Variants in CACNA1S observed in about 807,000 individuals in gnomAD.
CACNA1S encodes voltage-dependent L-type calcium channel subunit alpha-1S.
In CACNA1S, 126 loss-of-function variants were observed where a neutral mutation model predicts 207.4. The ratio of observed to expected loss-of-function variants is 0.61; its 90% CI spans 0.53 to 0.70. The LOEUF (loss-of-function observed/expected upper bound fraction) is 0.70, where lower values mean the gene tolerates loss of function less well. CACNA1S is among the 30% of genes least tolerant of loss of function. CACNA1S has a pLI of 0.00. For synonymous variants in CACNA1S, 960 were observed against 932.7 expected, an observed-to-expected ratio of 1.03 and a Z score of -0.53; for missense variants, 2,349 against 2,422.8, an observed-to-expected ratio of 0.97 and a Z score of 0.64.
At chr1:201,075,736 A>C (rs1455616436) in intron 12 of CACNA1S, 121 bp from the exon 13 acceptor site, 1 of 1,154,558 alleles carries the variant, frequency 8.7e-7, no homozygotes, top group African/African-American at 1.5e-5. Flanking sequence ...CCCTCTTTTC[A>C]TTCCACAGTC....
Position 201,087,850 on chromosome 1 carries a change from T to C in CACNA1S, c.980A>G (p.Asn327Ser), listed in dbSNP as rs1173031785. Reference protein sequence around the residue: ...LILLGSFFILNLVLGVLSGEF... With the variant: ...LILLGSFFILSLVLGVLSGEF... ...CCCACTCAGGACACCCAGCACCAGG[T>C]TGAGGATGAAGAAGGATCCCAGCAA... The change falls in exon 7 of 44, where the codon AAC (asparagine) becomes AGC (serine). Residue 327 changes from asparagine (N) to serine (S), a missense_variant. Coordinates refer to ENST00000362061, the MANE Select transcript of CACNA1S (RefSeq NM_000069.3). The C allele has an allele frequency of 6.2e-6, 10 of 1,613,276 alleles. No homozygotes were observed. The highest frequency in any genetic ancestry group is 7.6e-6 in the Non-Finnish European group (9 of 1,179,538).
At position 201,053,739 on chromosome 1, in the gene CACNA1S, T is replaced by C. The variant is rs1660739334; in HGVS notation, c.3667-152A>G. On this transcript the variant is annotated intron_variant, in intron 29 of 43. Transcript: ENST00000362061. The surrounding 1 kb of genome is among the most constrained non-coding windows in gnomAD (Gnocchi z 5.1). ...GCCTCTGGCCCCTGCTGTCCACTAG[T>C]TCGGGACCATCCTTGGGCACAGGGC... is the stretch of plus-strand genomic sequence containing the variant. 1.3e-6 allele frequency: 1 copy of C among 793,592 alleles called. No individual in the cohort carries two copies. The highest frequency in any genetic ancestry group is 2.2e-5 in the Admixed American group (1 of 44,898). 49.2% of individuals were successfully genotyped at this position (793,592 alleles called of 1,614,324 possible).
intron 35 of CACNA1S, 21 bp from the exon 36 acceptor site, chr1:201,048,705 G>A (rs1427013027): frequency 1.2e-6 from 2 of 1,600,254 alleles, no homozygotes; most frequent in Non-Finnish European, 1.7e-6. Flanking sequence ...AGACGCAGTG[G>A]CCTGCCGCTG....
At chr1:201,050,729 C>G (rs1660618605) in intron 33 of CACNA1S, among the ~76,000 whole-genome samples, 2 of 151,998 alleles carry the variant, frequency 1.3e-5, no homozygotes, top group South Asian at 2.1e-4. Flanking sequence ...TGCTAAATTC[C>G]TTTTGATGAG....
At chr1:201,051,538 C>T (rs992107456) in intron 32 of CACNA1S, among the ~76,000 whole-genome samples, 2 of 152,248 alleles carry the variant, frequency 1.3e-5, no homozygotes, top group Non-Finnish European at 2.9e-5. Flanking sequence ...CTGCCACCCA[C>T]TCTGGCTGAG....
At chr1:201,052,143 C>T (rs908039168) in intron 32 of CACNA1S, among the ~76,000 whole-genome samples, 5 of 152,232 alleles carry the variant, frequency 3.3e-5, no homozygotes, top group Admixed American at 6.5e-5. Context: ...CAAGCATAGG[C>T]CCCTGCGCCC....
chr1:201,096,604 T>C (rs1572066385), intron 2 of CACNA1S, among the ~76,000 whole-genome samples: 1 of 152,202 alleles, frequency 6.6e-6, no homozygotes, highest in Admixed American at 6.5e-5. Context: ...AGAAGATGTA[T>C]GGTGTGACGG....
chr1:201,077,570 A>T (rs1661674433), intron 11 of CACNA1S, among the ~76,000 whole-genome samples: 1 of 151,906 alleles, frequency 6.6e-6, no homozygotes, highest in African/African-American at 2.4e-5. Context: ...CTTTCCCTAC[A>T]GCTCTTCCTG....
Position 201,044,378 on chromosome 1 carries a change from C to A in CACNA1S, c.4747G>T (p.Glu1583Ter). The change falls in exon 39 of 44, where the codon GAG becomes TAG. Residue 1583 changes from glutamate (E) to a stop codon, truncating the protein, a stop_gained. Transcript: ENST00000362061. LOFTEE classifies it high-confidence loss of function. Reference sequence around the variant, plus strand: ...GCCTCCACCATGGCTCTCTCCAGCTCCTCCTCAGCAGCCAGGTCTCCTGAG... The same window carrying A: ...GCCTCCACCATGGCTCTCTCCAGCTACTCCTCAGCAGCCAGGTCTCCTGAG... ...TVSGDLAAEEELERAMVEAAM... is the reference protein window; with the variant it reads ...TVSGDLAAEE 1 of 1,613,780 alleles carries A rather than the reference C, an allele frequency of 6.2e-7. No homozygotes were observed.
chr1:201,077,102 C>T lies in CACNA1S; in HGVS notation c.1645G>A (p.Val549Met). Residue 549 changes from valine (V) to methionine (M), a missense_variant, in exon 12 of 44, where the codon GTG becomes ATG. By Grantham distance (21) the Val-to-Met change is conservative (BLOSUM62 1). Transcript: ENST00000362061. ...TKYWTSLSNL[V>M]ASLLNSIRSI... is the part of the protein sequence containing the mutation. ...CGGATGGAGTTGAGCAGGGATGCCA[C>T]CAGGTTGCTCAGCGACGTCCAATAT... The T allele has an allele frequency of 6.2e-7, 1 of 1,614,106 alleles. No homozygotes were observed. Among genetic ancestry groups the T allele is most frequent in the Non-Finnish European group, 8.5e-7 (1 of 1,180,014 alleles).
chr1:201,074,478 G>C (rs771786205), intron 14 of CACNA1S, 28 bp downstream of exon 14: 15 of 1,435,338 alleles, frequency 1.0e-5, no homozygotes, highest in Non-Finnish European at 1.3e-5. Context: ...GAGCACTCCA[G>C]GTCCCTTCCT....
intron 40 of CACNA1S, 71 bp from the exon 41 acceptor site, chr1:201,041,660 C>T (rs979833304): frequency 1.8e-6 from 2 of 1,139,780 alleles, no homozygotes; most frequent in Non-Finnish European, 2.6e-6. Flanking sequence ...CCTCTCTGGC[C>T]CCAAACATCC....
intron 10 of CACNA1S, among the ~76,000 whole-genome samples, chr1:201,081,866 G>A (rs754163915): frequency 1.3e-5 from 2 of 151,992 alleles, no homozygotes; most frequent in African/African-American, 4.8e-5. Flanking sequence ...TCCTGCTTTC[G>A]CCATGTGACA....
intron 2 of CACNA1S, among the ~76,000 whole-genome samples, chr1:201,096,237 C>A (rs560273745): frequency 3.3e-5 from 5 of 152,312 alleles, no homozygotes; most frequent in Non-Finnish European, 7.4e-5. Context: ...TTCCACCATA[C>A]TCCCTCCAGC....
At chr1:201,068,018 A>G (rs1661309516) in intron 19 of CACNA1S, among the ~76,000 whole-genome samples, 1 of 152,102 alleles carries the variant, frequency 6.6e-6, no homozygotes, top group Non-Finnish European at 1.5e-5. Flanking sequence ...CACCACCCCC[A>G]GGATGGCTGG....
At chr1:201,085,944 A>G (rs1349451472) in intron 7 of CACNA1S, among the ~76,000 whole-genome samples, 2 of 152,238 alleles carry the variant, frequency 1.3e-5, no homozygotes, top group African/African-American at 4.8e-5. Context: ...CAAATTGGCC[A>G]TACTGCCCCA....
At chr1:201,043,236 C>A in intron 40 of CACNA1S, 45 bp downstream of exon 40, 1 of 1,613,398 alleles carries the variant, frequency 6.2e-7, no homozygotes, top group Non-Finnish European at 8.5e-7. Flanking sequence ...CTGACATTGT[C>A]CTCCCAGTAC....
intron 22 of CACNA1S, 46 bp from the exon 23 acceptor site, chr1:201,062,560 G>A (rs1661092296): frequency 1.3e-6 from 2 of 1,582,978 alleles, no homozygotes; most frequent in African/African-American, 1.3e-5. Flanking sequence ...TGTTGTCATG[G>A]AAACAGGATA....
intron 5 of CACNA1S, among the ~76,000 whole-genome samples, chr1:201,090,795 G>C (rs1247111091): frequency 6.6e-6 from 1 of 152,194 alleles, no homozygotes; most frequent in Non-Finnish European, 1.5e-5. Flanking sequence ...CACACACACA[G>C]AAGTTGATGT....
Sources: allele counts gnomAD v4.1 joint callset (sites outside exome capture counted in the v4.1 genomes callset), GRCh38; gene constraint gnomAD v4.1.1; non-coding constraint Gnocchi (gnomAD v3.1); transcripts MANE v1.5; gene names NCBI Gene and HGNC (gene_info 2026-07-23, HGNC 2026-07-21).